The following AFG1L variants were observed in gnomAD, a reference collection of about 807,000 sequenced individuals.
AFG1L encodes AFG1 like ATPase.
Under a neutral mutation model 62.2 loss-of-function variants are expected in AFG1L, and 53 were observed. The observed-to-expected ratio is 0.85, with a 90% CI of 0.68 to 1.07. The LOEUF is 1.07. AFG1L is among the 50% of genes least tolerant of loss of function. The pLI is 0.00. For missense variants in AFG1L, 555 were observed against 590.5 expected, an observed-to-expected ratio of 0.94 and a Z score of 0.62; for synonymous variants, 228 against 210.3, an observed-to-expected ratio of 1.08 and a Z score of -0.73.
rs567966339 is a variant in AFG1L, at chr6:108,314,608, A to T, written c.140-9217A>T. Reference sequence around the variant, plus strand: ...GAAACGGGGTTTCACCGTGTTGCCTAGGCTGGTCTCAGACTCCTGAGCTCA... The same window carrying T: ...GAAACGGGGTTTCACCGTGTTGCCTTGGCTGGTCTCAGACTCCTGAGCTCA... On this transcript the variant is annotated intron_variant, in intron 1 of 12. Transcript: ENST00000368977. Among the ~76,000 whole-genome samples, 10 of 152,196 alleles carry T rather than the reference A, an allele frequency of 6.6e-5. No individual in the cohort carries two copies. The South Asian group carries it at 2.1e-3, about 32-fold the overall frequency.
At chr6:108,479,035 A>G (rs1773232811) in intron 10 of AFG1L, among the ~76,000 whole-genome samples, 1 of 152,226 alleles carries the variant, frequency 6.6e-6, no homozygotes, top group Non-Finnish European at 1.5e-5. Flanking sequence ...AGATTAAACA[A>G]TGAACAAGTG....
intron 6 of AFG1L, among the ~76,000 whole-genome samples, chr6:108,392,729 A>G (rs1339504023): frequency 2.0e-5 from 3 of 152,100 alleles, no homozygotes; most frequent in East Asian, 3.8e-4. Flanking sequence ...AGTCTGTAAT[A>G]CAATAAGAAT....
At chr6:108,418,481 A>T (rs1277323117) in intron 7 of AFG1L, among the ~76,000 whole-genome samples, 1 of 152,192 alleles carries the variant, frequency 6.6e-6, no homozygotes, top group East Asian at 1.9e-4. Context: ...GACATATGTC[A>T]ATAGCACCTT....
intron 5 of AFG1L, among the ~76,000 whole-genome samples, chr6:108,365,822 A>G (rs1045671166): frequency 1.7e-4 from 26 of 151,976 alleles, no homozygotes; most frequent in African/African-American, 5.6e-4. Flanking sequence ...GAAATCTCAA[A>G]CAGCCTGTGT....
intron 11 of AFG1L, among the ~76,000 whole-genome samples, chr6:108,516,698 G>C (rs1008717284): frequency 6.6e-6 from 1 of 152,170 alleles, no homozygotes; most frequent in African/African-American, 2.4e-5. Flanking sequence ...ATTCGGAAAA[G>C]AGGAAGTCAA....
intron 1 of AFG1L, among the ~76,000 whole-genome samples, chr6:108,298,431 A>G (rs544994433): frequency 6.6e-6 from 1 of 151,536 alleles, no homozygotes; most frequent in South Asian, 2.1e-4. Flanking sequence ...ACACCCAACT[A>G]ATTTTCGTAT....
chr6:108,351,272 A>G (rs1318816474), intron 3 of AFG1L, among the ~76,000 whole-genome samples: 2 of 152,236 alleles, frequency 1.3e-5, no homozygotes, highest in African/African-American at 4.8e-5. Context: ...ATGTTAGGAT[A>G]GCTATGACAT....
At position 108,455,662 on chromosome 6, in the gene AFG1L, T is replaced by C. The variant is rs190773855; in HGVS notation, c.890+8366T>C. Among the ~76,000 whole-genome samples, 20 of 152,210 alleles carry C rather than the reference T, an allele frequency of 1.3e-4. No homozygotes were observed. In the East Asian group the frequency reaches 3.1e-3, roughly 24 times the overall value. ...TAGCTGCATCTCACATGTTTTATTATGTCATGTTTTCTCTCCTGATTTATT... is the reference window on the plus strand; with the variant it reads ...TAGCTGCATCTCACATGTTTTATTACGTCATGTTTTCTCTCCTGATTTATT... On this transcript the variant is annotated intron_variant, in intron 8 of 12. Transcript: ENST00000368977.
At position 108,322,837 on chromosome 6, in the gene AFG1L, A is replaced by G. The variant is rs184258431; in HGVS notation, c.140-988A>G. Among the ~76,000 whole-genome samples, 4 of 152,330 alleles carry G rather than the reference A, an allele frequency of 2.6e-5. No individual in the cohort carries two copies. The East Asian group carries it at 7.7e-4, about 29-fold the overall frequency. Reference sequence around the variant, plus strand: ...CTGTTTATTGTTGCTTCTAAACAGTAGAGAAGGAGTTAGCTGCTTATTAAA... The same window carrying G: ...CTGTTTATTGTTGCTTCTAAACAGTGGAGAAGGAGTTAGCTGCTTATTAAA... On this transcript the variant is annotated intron_variant, in intron 1 of 12. Coordinates refer to ENST00000368977, the MANE Select transcript of AFG1L (RefSeq NM_145315.5).
At chr6:108,333,599 A>G (rs1778360852) in intron 2 of AFG1L, among the ~76,000 whole-genome samples, 1 of 152,116 alleles carries the variant, frequency 6.6e-6, no homozygotes, top group Non-Finnish European at 1.5e-5. Context: ...AATAATAATA[A>G]AGAATATATA....
chr6:108,434,593 A>G (rs1294922931), intron 7 of AFG1L, among the ~76,000 whole-genome samples: 1 of 152,156 alleles, frequency 6.6e-6, no homozygotes, highest in African/African-American at 2.4e-5. Context: ...AGCAATGTTT[A>G]TGCAGTTTTC....
chr6:108,374,380 T>C (rs1330105050), intron 6 of AFG1L, among the ~76,000 whole-genome samples: 6 of 152,156 alleles, frequency 3.9e-5, no homozygotes, highest in African/African-American at 1.2e-4. Flanking sequence ...GTTGCAATTG[T>C]TTTTGAGGAC....
rs558996845 is a variant in AFG1L, at chr6:108,357,123, C to T, written c.648+303C>T. Among the ~76,000 whole-genome samples the T allele has an allele frequency of 3.3e-5, 5 of 152,060 alleles. No individual in the cohort carries two copies. The East Asian group carries it at 5.8e-4, about 18-fold the overall frequency. On this transcript the variant is annotated intron_variant, in intron 5 of 12. Transcript: ENST00000368977. ...AAGACACAGGGTCCTGCTCTGTCAC[C>T]GAGGCCCAGGCTGGAGTGCAGTGGC...
At chr6:108,381,579 G>GA (rs1007679956) in intron 6 of AFG1L, among the ~76,000 whole-genome samples, 89 of 144,248 alleles carry the variant, frequency 6.2e-4, no homozygotes, top group Non-Finnish European at 7.9e-4. Flanking sequence ...CTTGTCTCTG[G>GA]AAAAAAAAAA....
chr6:108,295,478 G>T (rs1776732197), intron 1 of AFG1L, among the ~76,000 whole-genome samples: 1 of 152,102 alleles, frequency 6.6e-6, no homozygotes, highest in South Asian at 2.1e-4. Flanking sequence ...GACGTTTAGA[G>T]AGCTGAACCT....
At chr6:108,462,734 T>C (rs1453044336) in intron 8 of AFG1L, among the ~76,000 whole-genome samples, 1 of 152,204 alleles carries the variant, frequency 6.6e-6, no homozygotes, top group African/African-American at 2.4e-5. Context: ...AAATATCCAA[T>C]TGTATGGCCA....
chr6:108,408,194 C>T (rs1411371885), intron 7 of AFG1L, among the ~76,000 whole-genome samples: 1 of 149,500 alleles, frequency 6.7e-6, no homozygotes, highest in African/African-American at 2.5e-5. Context: ...TGGCGTGAGG[C>T]TTATTTTTAA....
chr6:108,411,733 T>A (rs938394069), intron 7 of AFG1L, among the ~76,000 whole-genome samples: 8 of 152,114 alleles, frequency 5.3e-5, no homozygotes, highest in African/African-American at 1.9e-4. Context: ...AGAAAGGACA[T>A]CCACACCAAA....
chr6:108,305,911 G>C (rs1464818219), intron 1 of AFG1L, among the ~76,000 whole-genome samples: 2 of 152,050 alleles, frequency 1.3e-5, no homozygotes, highest in Non-Finnish European at 2.9e-5. Flanking sequence ...TTGTTTGTTT[G>C]TTTTGTTCTG....
Sources: allele counts gnomAD v4.1 joint callset (sites outside exome capture counted in the v4.1 genomes callset), GRCh38; gene constraint gnomAD v4.1.1; transcripts MANE v1.5; gene names NCBI Gene and HGNC (gene_info 2026-07-23, HGNC 2026-07-21).